The following NDUFS4 variants were observed in gnomAD, a reference collection of about 807,000 sequenced individuals.
NDUFS4 encodes the protein NADH:ubiquinone oxidoreductase subunit S4, also known as NADH dehydrogenase [ubiquinone] iron-sulfur protein 4, mitochondrial.
NDUFS4 carries 28 observed loss-of-function variants against 24.3 expected under a neutral mutation model. That is an observed-to-expected ratio of 1.15 (90% CI 0.85 to 1.58). NDUFS4 has a LOEUF of 1.58. Ranked by LOEUF, NDUFS4 falls within the 40% of genes most tolerant of loss-of-function variation. NDUFS4 has a pLI of 0.00. For missense variants in NDUFS4, 223 were observed against 207.9 expected, an observed-to-expected ratio of 1.07 and a Z score of -0.45; for synonymous variants, 93 against 69.7, an observed-to-expected ratio of 1.34 and a Z score of -1.67.
intron 3 of NDUFS4, among the ~76,000 whole-genome samples, chr5:53,657,428 G>T (rs1047221602): frequency 6.6e-6 from 1 of 151,932 alleles, no homozygotes; most frequent in Non-Finnish European, 1.5e-5. Flanking sequence ...GTAATTAGTG[G>T]GTCTTCCCGT....
intron 1 of NDUFS4, among the ~76,000 whole-genome samples, chr5:53,589,539 T>TC (rs1749876953): frequency 6.6e-6 from 1 of 152,230 alleles, no homozygotes; most frequent in African/African-American, 2.4e-5. Context: ...TAAGTTACGT[T>TC]CCTACACCTA....
intron 1 of NDUFS4, among the ~76,000 whole-genome samples, chr5:53,586,949 G>A (rs1242072500): frequency 1.3e-5 from 2 of 151,700 alleles, no homozygotes; most frequent in African/African-American, 2.4e-5. Context: ...TCAGCCTCCC[G>A]AGTAGCTGGG....
At chr5:53,681,021 C>G (rs1740647437) in intron 4 of NDUFS4, among the ~76,000 whole-genome samples, 1 of 152,014 alleles carries the variant, frequency 6.6e-6, no homozygotes, top group South Asian at 2.1e-4. Flanking sequence ...TAGATTATAG[C>G]TAGCTATACC....
chr5:53,569,267 C>A (rs754870812), intron 1 of NDUFS4, among the ~76,000 whole-genome samples: 1 of 151,916 alleles, frequency 6.6e-6, no homozygotes, highest in African/African-American at 2.4e-5. Flanking sequence ...TTTTAATATT[C>A]GTAGTACAAA....
intron 2 of NDUFS4, among the ~76,000 whole-genome samples, chr5:53,613,162 C>G (rs1001688869): frequency 1.3e-5 from 2 of 151,970 alleles, no homozygotes; most frequent in Non-Finnish European, 2.9e-5. Flanking sequence ...TATGGCAGTG[C>G]TATCTCTGCT....
At chr5:53,597,531 G>A (rs553121698) in intron 1 of NDUFS4, among the ~76,000 whole-genome samples, 2 of 152,022 alleles carry the variant, frequency 1.3e-5, no homozygotes, top group African/African-American at 4.8e-5. Flanking sequence ...TAGTACGTTG[G>A]GTCAGTAGTG....
At chr5:53,634,049 G>T (rs1751481008) in intron 2 of NDUFS4, among the ~76,000 whole-genome samples, 1 of 152,142 alleles carries the variant, frequency 6.6e-6, no homozygotes, top group Non-Finnish European at 1.5e-5. Flanking sequence ...TAATGTTTAA[G>T]GTTTGTGTAT....
intron 1 of NDUFS4, among the ~76,000 whole-genome samples, chr5:53,598,676 A>G (rs370505231): frequency 6.6e-6 from 1 of 152,314 alleles, no homozygotes; most frequent in African/African-American, 2.4e-5. Context: ...GTAAAAGACA[A>G]CACAATAAAA....
chr5:53,641,487 T>G (rs965152139), intron 2 of NDUFS4, among the ~76,000 whole-genome samples: 44 of 152,190 alleles, frequency 2.9e-4, no homozygotes, highest in African/African-American at 9.9e-4. Context: ...ATATAACAGA[T>G]GTCACATTCC....
intron 3 of NDUFS4, among the ~76,000 whole-genome samples, chr5:53,647,128 T>A (rs955143851): frequency 2.0e-5 from 3 of 151,432 alleles, no homozygotes; most frequent in African/African-American, 7.3e-5. Context: ...TAGGTCAATT[T>A]AGAAATTAGC....
chr5:53,619,806 G>A (rs1476111413), intron 2 of NDUFS4, among the ~76,000 whole-genome samples: 2 of 151,884 alleles, frequency 1.3e-5, no homozygotes, highest in Non-Finnish European at 2.9e-5. Flanking sequence ...TTATTCAAAA[G>A]CATAATTATA....
rs1554062477 is a variant in NDUFS4 at position 53,683,307 on chromosome 5, A to AATCT, written c.*87_*90dup. 8.4e-6 allele frequency: 8 copies of AATCT among 952,994 alleles called. No individual in the cohort carries two copies. The highest frequency in any genetic ancestry group is 1.8e-5 in the Admixed American group (1 of 55,416). 59.0% of individuals were successfully genotyped at this position (952,994 alleles called of 1,614,324 possible). On this transcript the variant is annotated 3_prime_UTR_variant, in exon 5 of 5. Transcript: ENST00000296684. ...TCCATGTATAATAAATACATCTCTT[A>AATCT]ATCTCCTAATAAATTGGACCTTTAA... is the stretch of plus-strand genomic sequence containing the variant.
intron 1 of NDUFS4, among the ~76,000 whole-genome samples, chr5:53,601,197 G>A (rs957785343): frequency 6.6e-6 from 1 of 151,820 alleles, no homozygotes; most frequent in Admixed American, 6.6e-5. Flanking sequence ...TAGAGACGGG[G>A]TTTCACCGTG....
intron 4 of NDUFS4, among the ~76,000 whole-genome samples, chr5:53,662,408 G>A (rs1324038616): frequency 2.6e-5 from 4 of 152,136 alleles, no homozygotes; most frequent in African/African-American, 4.8e-5. Flanking sequence ...GTATTTTATT[G>A]AGGATTTTTG....
chr5:53,590,728 A>G (rs1749925406), intron 1 of NDUFS4, among the ~76,000 whole-genome samples: 1 of 152,114 alleles, frequency 6.6e-6, no homozygotes, highest in Non-Finnish European at 1.5e-5. Context: ...TAAACCAGGG[A>G]TTATCTGTTT....
chr5:53,637,649 G>T (rs1253789952), intron 2 of NDUFS4, among the ~76,000 whole-genome samples: 2 of 151,848 alleles, frequency 1.3e-5, no homozygotes, highest in East Asian at 3.9e-4. Context: ...CTTAAATCTG[G>T]AAAACAAAAC....
rs1752638709 is a variant in NDUFS4, at chr5:53,670,621, T to C, written c.424+11997T>C. ...TATTTGGCAATATACAGGGTATACA[T>C]TATATATATATATATATTCTATGTA... is the stretch of plus-strand genomic sequence containing the variant. On this transcript the variant is annotated intron_variant, in intron 4 of 4. Coordinates refer to ENST00000296684, the MANE Select transcript of NDUFS4 (RefSeq NM_002495.4). 3.4e-5 allele frequency among the ~76,000 whole-genome samples: 5 copies of C among 148,162 alleles called. No individual in the cohort carries two copies. In the Admixed American group the frequency reaches 3.4e-4, roughly 10 times the overall value.
At chr5:53,573,714 A>G (rs1344558132) in intron 1 of NDUFS4, 1 of 329,478 alleles carries the variant, frequency 3.0e-6, no homozygotes, top group East Asian at 1.0e-4. Flanking sequence ...TCAGCCTCCC[A>G]GGCAGCTGCG....
At chr5:53,606,000 C>G (rs1326693888) in intron 2 of NDUFS4, among the ~76,000 whole-genome samples, 1 of 129,008 alleles carries the variant, frequency 7.8e-6, no homozygotes, top group African/African-American at 3.0e-5. Context: ...GGCGATAGAG[C>G]GAGACTCCGT....
Sources: gnomAD v4.1 joint callset for allele counts (sites outside exome capture counted in the v4.1 genomes callset) on GRCh38, gnomAD v4.1.1 for gene constraint, MANE v1.5 for transcripts, NCBI Gene and HGNC (gene_info 2026-07-23, HGNC 2026-07-21) for gene names.